Variants in ERC2 observed in about 807,000 individuals in gnomAD.
ERC2 encodes the protein ERC protein 2.
Under a neutral mutation model 114.8 loss-of-function variants are expected in ERC2, and 42 were observed. The observed-to-expected ratio is 0.37, with a 90% confidence interval of 0.29 to 0.47. The LOEUF (loss-of-function observed/expected upper bound fraction) is 0.47. ERC2 is among the 20% of genes least tolerant of loss of function. The pLI is 0.99. For missense variants in ERC2, 939 were observed against 1,150.7 expected (o/e 0.82, Z 2.66); for synonymous variants, 454 against 425.5 (o/e 1.07, Z -0.82).
At position 55,675,903 on chromosome 3, in the gene ERC2, C is replaced by CTTTTTTTTTTTTTTTTTTTTTT. The variant is rs869296098; in HGVS notation, c.*39+7869_*39+7890dup. Among the ~76,000 whole-genome samples, 135 of 47,996 alleles carry CTTTTTTTTTTTTTTTTTTTTTT rather than the reference C, an allele frequency of 2.8e-3. 31 individuals carry two copies. Among genetic ancestry groups the CTTTTTTTTTTTTTTTTTTTTTT allele is most frequent in the South Asian group, 9.1e-3 (7 of 770 alleles). 31.5% of individuals were successfully genotyped at this position (47,996 alleles called of 152,430 possible). On this transcript the variant is annotated intron_variant, in intron 17 of 17. Coordinates refer to ENST00000288221, the MANE Select transcript of ERC2 (RefSeq NM_015576.3). ...TTCCATCTTTCTTTCTCTTTTCTTT[C>CTTTTTTTTTTTTTTTTTTTTTT]TTTTTTTTTTTTTTTTTTTTTTTTT...
chr3:55,919,382 A>AAAATCATTT (rs1231812731), intron 13 of ERC2, among the ~76,000 whole-genome samples: 1 of 152,198 alleles, frequency 6.6e-6, no homozygotes, highest in Non-Finnish European at 1.5e-5. Context: ...GTCTCTAAAA[A>AAAATCATTT]AAATCATTTA....
At chr3:56,250,109 G>A (rs995868796) in intron 3 of ERC2, among the ~76,000 whole-genome samples, 14 of 152,024 alleles carry the variant, frequency 9.2e-5, no homozygotes, top group African/African-American at 2.9e-4. Flanking sequence ...ACCTGCCTCC[G>A]CCTCCCAAAG....
chr3:56,277,030 A>G (rs559683594), intron 3 of ERC2, among the ~76,000 whole-genome samples: 2 of 152,304 alleles, frequency 1.3e-5, no homozygotes, highest in East Asian at 3.9e-4. Context: ...CCTCATCCCT[A>G]GGGACCAAAC....
At chr3:56,273,672 C>T (rs1266839902) in intron 3 of ERC2, among the ~76,000 whole-genome samples, 1 of 151,984 alleles carries the variant, frequency 6.6e-6, no homozygotes, top group Admixed American at 6.6e-5. Flanking sequence ...ATTTTGCACA[C>T]CAGAGTAGAA....
chr3:55,873,238 G>T (rs1298570962), intron 14 of ERC2, among the ~76,000 whole-genome samples: 2 of 152,280 alleles, frequency 1.3e-5, no homozygotes, highest in South Asian at 4.2e-4. Flanking sequence ...TGCTTCTAGT[G>T]TGCCCACATC....
At chr3:56,194,592 C>T (rs1402367777) in intron 3 of ERC2, among the ~76,000 whole-genome samples, 4 of 152,074 alleles carry the variant, frequency 2.6e-5, no homozygotes, top group Non-Finnish European at 2.9e-5. Flanking sequence ...ATGTGAAGGC[C>T]GAGGACATTA....
intron 17 of ERC2, among the ~76,000 whole-genome samples, chr3:55,616,626 T>C (rs934029225): frequency 1.4e-5 from 2 of 140,060 alleles, no homozygotes; most frequent in East Asian, 2.8e-4. Context: ...CTACCAGTTA[T>C]TGTGCTTTTT....
At chr3:55,648,994 A>C (rs2148672063) in intron 17 of ERC2, among the ~76,000 whole-genome samples, 1 of 152,236 alleles carries the variant, frequency 6.6e-6, no homozygotes, top group Middle Eastern at 3.4e-3. Context: ...CAGGGACATG[A>C]ATGAAGATTC....
At chr3:56,041,612 T>C (rs565426959) in intron 7 of ERC2, among the ~76,000 whole-genome samples, 2 of 152,126 alleles carry the variant, frequency 1.3e-5, no homozygotes, top group Non-Finnish European at 2.9e-5. Flanking sequence ...TCTCTCACTT[T>C]CTCCTTCTTC....
In ERC2 at chr3:55,888,391, C is replaced by A; in HGVS notation, c.2562G>T (p.Met854Ile). The change falls in exon 14 of 18, where the codon ATG becomes ATT. Residue 854 changes from methionine (M) to isoleucine (I), a missense_variant and splice_region_variant. Transcript: ENST00000288221. Reference sequence around the variant, plus strand: ...CCAAAGCAGCAATGGGTACTCACTTCATCTCCAGGATCTCCTCCAGCTGTT... The same window carrying A: ...CCAAAGCAGCAATGGGTACTCACTTAATCTCCAGGATCTCCTCCAGCTGTT... Reference protein sequence around the residue: ...RRKQLEEILEMKQEALLAAIS... With the variant: ...RRKQLEEILEIKQEALLAAIS... The A allele has an allele frequency of 6.2e-7, 1 of 1,613,824 alleles. No individual in the cohort carries two copies. Among genetic ancestry groups the A allele is most frequent in the Admixed American group, 1.7e-5 (1 of 60,010 alleles).
chr3:56,124,321 C>T (rs1158524438), intron 6 of ERC2, among the ~76,000 whole-genome samples: 1 of 152,092 alleles, frequency 6.6e-6, no homozygotes, highest in East Asian at 1.9e-4. Context: ...AAAATAAGAA[C>T]ATAAGAAATA....
At chr3:55,903,491 C>T (rs2064257285) in intron 13 of ERC2, among the ~76,000 whole-genome samples, 2 of 152,136 alleles carry the variant, frequency 1.3e-5, no homozygotes, top group African/African-American at 4.8e-5. Flanking sequence ...ATTTAAATTG[C>T]TTTGTTTAAA....
At chr3:56,020,247 G>A (rs2073613023) in intron 7 of ERC2, among the ~76,000 whole-genome samples, 1 of 152,078 alleles carries the variant, frequency 6.6e-6, no homozygotes, top group African/African-American at 2.4e-5. Context: ...CGTAAACTTT[G>A]TGGCCTAACA....
chr3:56,273,663 T>G (rs1262877693), intron 3 of ERC2, among the ~76,000 whole-genome samples: 1 of 152,160 alleles, frequency 6.6e-6, no homozygotes, highest in Non-Finnish European at 1.5e-5. Flanking sequence ...ATTTGTATTA[T>G]TTTGCACACC....
chr3:55,985,202 T>C (rs1008037097), intron 12 of ERC2, among the ~76,000 whole-genome samples: 3 of 152,210 alleles, frequency 2.0e-5, no homozygotes, highest in Non-Finnish European at 4.4e-5. Flanking sequence ...GTCCTTGACT[T>C]AAGGAAGAAG....
At chr3:55,868,002 G>A (rs556180197) in intron 14 of ERC2, among the ~76,000 whole-genome samples, 5 of 152,118 alleles carry the variant, frequency 3.3e-5, no homozygotes, top group South Asian at 4.1e-4. Context: ...TAGAATTTCC[G>A]ATCATCTAGC....
At chr3:56,184,066 A>T (rs1397504562) in intron 3 of ERC2, among the ~76,000 whole-genome samples, 1 of 152,134 alleles carries the variant, frequency 6.6e-6, no homozygotes, top group Admixed American at 6.5e-5. Flanking sequence ...ATGCTATCTG[A>T]ATCTCTGTGC....
chr3:55,915,229 A>G (rs1457076566), intron 13 of ERC2, among the ~76,000 whole-genome samples: 1 of 152,192 alleles, frequency 6.6e-6, no homozygotes. Flanking sequence ...AATAAAATAT[A>G]GTGATTTTAA....
Position 56,083,420 on chromosome 3 carries a change from G to A in ERC2, c.1474-2436C>T, listed in dbSNP as rs543839380. On this transcript the variant is annotated intron_variant, in intron 6 of 17. Transcript: ENST00000288221. ...GAAGCTGGGAAGGGCTGATTATAAAGGGACAGGAGGGTGTTTTTCTGTTCT... is the reference window on the plus strand; with the variant it reads ...GAAGCTGGGAAGGGCTGATTATAAAAGGACAGGAGGGTGTTTTTCTGTTCT... Among the ~76,000 whole-genome samples, 39 of 152,284 alleles carry A rather than the reference G, an allele frequency of 2.6e-4. 1 individual carries two copies. In the South Asian group the frequency reaches 8.1e-3, roughly 32 times the overall value.
Sources: gnomAD v4.1 joint callset for allele counts (sites outside exome capture counted in the v4.1 genomes callset) on GRCh38, gnomAD v4.1.1 for gene constraint, MANE v1.5 for transcripts, NCBI Gene and HGNC (gene_info 2026-07-23, HGNC 2026-07-21) for gene names.